MIB1: variants seen among roughly 807,000 people sequenced by gnomAD.
MIB1 encodes the protein MIB E3 ubiquitin protein ligase 1.
In MIB1, 278 loss-of-function variants were observed where a neutral mutation model predicts 124.5. The observed-to-expected ratio is 2.23, with a 90% CI of 2.02 to 2.47. The LOEUF is 2.47. Ranked by LOEUF, MIB1 falls within the 30% of genes most tolerant of loss-of-function variation. MIB1 has a pLI of 0.00. For synonymous variants in MIB1, 446 were observed against 429.4 expected (o/e 1.04, Z -0.48); for missense variants, 957 against 1,254.4 (o/e 0.76, Z 3.58).
intron 1 of MIB1, among the ~76,000 whole-genome samples, chr18:21,731,499 C>T (rs565030732): frequency 6.6e-5 from 10 of 151,212 alleles, no homozygotes; most frequent in East Asian, 2.0e-4. Context: ...ATTGAGAAGC[C>T]GAGGCGGGTG....
upstream of MIB1, among the ~76,000 whole-genome samples, chr18:21,738,794 G>A (rs2040807003): frequency 2.2e-5 from 2 of 91,292 alleles, no homozygotes; most frequent in Admixed American, 1.7e-4. Context: ...GCCACAAAGT[G>A]AGACTCCATC....
intron 4 of MIB1, among the ~76,000 whole-genome samples, chr18:21,775,332 T>C (rs1450145291): frequency 2.0e-5 from 3 of 152,064 alleles, no homozygotes; most frequent in Admixed American, 1.3e-4. Context: ...CCTGAACTCC[T>C]GGGCTCAAAC....
chr18:21,819,526 C>T lies in MIB1; in HGVS notation c.1709C>T (p.Ala570Val), dbSNP rs983246066. The change falls in exon 12 of 21, where the codon GCA (alanine) becomes GTA (valine). Residue 570 changes from alanine (A) to valine (V), a missense_variant. By Grantham distance (64) the Ala-to-Val change is moderately conservative (BLOSUM62 0). Coordinates refer to ENST00000261537, the MANE Select transcript of MIB1 (RefSeq NM_020774.4). ...DSEGDTPLHD[A>V]ISKKRDDILA... Reference sequence around the variant, plus strand: ...GAAGGTGATACCCCTCTTCATGATGCAATAAGTAAGAAACGTGATGATATC... The same window carrying T: ...GAAGGTGATACCCCTCTTCATGATGTAATAAGTAAGAAACGTGATGATATC... 4 of 1,607,940 alleles carry T rather than the reference C, an allele frequency of 2.5e-6. No homozygotes were observed. In the African/African-American group the frequency reaches 5.4e-5, roughly 22 times the overall value.
intron 20 of MIB1, among the ~76,000 whole-genome samples, chr18:21,863,206 C>T (rs756030308): frequency 2.0e-5 from 3 of 152,192 alleles, no homozygotes; most frequent in Non-Finnish European, 4.4e-5. Context: ...CCCCTGAGGG[C>T]ATGTTAGAGT....
intron 1 of MIB1, among the ~76,000 whole-genome samples, chr18:21,724,727 A>AAAAAAAAAAAAAAT (rs1350936232): frequency 5.8e-5 from 1 of 17,370 alleles, no homozygotes; most frequent in Non-Finnish European, 1.1e-4. Context: ...AAAAAAAAAA[A>AAAAAAAAAAAAAAT]ATATATATAT....
rs1251051849 is a variant in MIB1, at chr18:21,760,347, TTA to T, written c.230-5423_230-5422del. Among the ~76,000 whole-genome samples the T allele has an allele frequency of 3.3e-5, 5 of 152,340 alleles. No individual in the cohort carries two copies. In the South Asian group the frequency reaches 1.0e-3, roughly 32 times the overall value. On this transcript the variant is annotated intron_variant, in intron 1 of 20. Transcript: ENST00000261537. ...TTTATTTAATGCCCTTTCTTCTGTTTTATGTTTTCTTTAAATACCAACTTTTG... is the reference window on the plus strand; with the variant it reads ...TTTATTTAATGCCCTTTCTTCTGTTTTGTTTTCTTTAAATACCAACTTTTG...
At chr18:21,707,326 TCAGCTCTCTGTAAAACAGACCAGG>T (rs967914904) in intron 1 of MIB1, among the ~76,000 whole-genome samples, 32 of 152,214 alleles carry the variant, frequency 2.1e-4, no homozygotes, top group African/African-American at 6.3e-4. Flanking sequence ...AACGGACCAG[TCAGCTCTCTGTAAAACAGACCAGG>T]CAGCTCTCTG....
intron 12 of MIB1, among the ~76,000 whole-genome samples, chr18:21,833,874 G>C (rs2146494796): frequency 6.6e-6 from 1 of 152,312 alleles, no homozygotes; most frequent in African/African-American, 2.4e-5. Context: ...CTGGTAGTAA[G>C]ATCTTATCTT....
chr18:21,846,499 A>G (rs1182038438), intron 15 of MIB1, among the ~76,000 whole-genome samples: 1 of 152,170 alleles, frequency 6.6e-6, no homozygotes. Flanking sequence ...CTCAATTCCT[A>G]GTCATTGGTT....
rs1029181392 is a variant in MIB1 at position 21,740,935 on chromosome 18, G to T, written c.-649G>T. 6.6e-6 allele frequency among the ~76,000 whole-genome samples: 1 copy of T among 152,242 alleles called. No individual in the cohort carries two copies. Among genetic ancestry groups the T allele is most frequent in the South Asian group, 2.1e-4 (1 of 4,836 alleles). ...TGAGAAGGTGCCGCTCCGGCCTTGG[G>T]TACGGCGGTACCCGGATGTGGAGTC... On this transcript the variant is annotated 5_prime_UTR_variant, in exon 1 of 21. Transcript: ENST00000261537.
chr18:21,709,408 A>G (rs553035732), intron 1 of MIB1, among the ~76,000 whole-genome samples: 58 of 151,884 alleles, frequency 3.8e-4, no homozygotes, highest in Admixed American at 3.7e-3. Flanking sequence ...TTTGGCATCC[A>G]GACCAGCTAT....
chr18:21,829,174 T>A, intron 12 of MIB1: 1 of 385,046 alleles, frequency 2.6e-6, no homozygotes, highest in Non-Finnish European at 5.0e-6. Flanking sequence ...TGTAGAGCAA[T>A]GGTAAATCAT....
intron 11 of MIB1, chr18:21,817,618 G>C (rs1440778229): frequency 5.3e-6 from 2 of 378,142 alleles, no homozygotes; most frequent in Non-Finnish European, 1.0e-5. Flanking sequence ...ACAAAAACAG[G>C]TGGCTCCAAT....
At chr18:21,834,098 G>T (rs1292005890) in intron 12 of MIB1, among the ~76,000 whole-genome samples, 1 of 152,128 alleles carries the variant, frequency 6.6e-6, no homozygotes, top group Admixed American at 6.5e-5. Context: ...CTAAAGTGCT[G>T]CAGGGAACAG....
chr18:21,827,115 C>G (rs925037201), intron 12 of MIB1: 1 of 152,070 alleles, frequency 6.6e-6, no homozygotes, highest in African/African-American at 2.4e-5. Context: ...AATAGTACAG[C>G]ATTTGATAAT....
Position 21,858,542 on chromosome 18 carries a change from A to C in MIB1, c.2780-4A>C, listed in dbSNP as rs376191252. The C allele has an allele frequency of 3.7e-6, 5 of 1,367,704 alleles. No homozygotes were observed. In the African/African-American group the frequency reaches 7.1e-5, roughly 20 times the overall value. The allele number at this position is 1,367,704 out of a possible 1,614,324, so 84.7% of individuals were successfully genotyped here. ...CTGAAAATCTTTTTAAATCTATATT[A>C]TAGCAAGTGGGAATATTCCAGTATT... On this transcript the variant is annotated splice_region_variant and splice_polypyrimidine_tract_variant and intron_variant, in intron 19 of 20. Coordinates refer to ENST00000261537, the MANE Select transcript of MIB1 (RefSeq NM_020774.4).
chr18:21,832,820 A>T (rs1442711952), intron 12 of MIB1, among the ~76,000 whole-genome samples: 3 of 152,220 alleles, frequency 2.0e-5, no homozygotes, highest in African/African-American at 7.2e-5. Context: ...TTATGAGAAG[A>T]TGACATGTCT....
At chr18:21,814,636 C>G (rs940503495) in intron 10 of MIB1, among the ~76,000 whole-genome samples, 3 of 151,844 alleles carry the variant, frequency 2.0e-5, no homozygotes, top group African/African-American at 7.3e-5. Context: ...TGCAGTGGCC[C>G]GATCTCAGCT....
chr18:21,792,783 G>A (rs1361719500), intron 7 of MIB1, among the ~76,000 whole-genome samples: 1 of 152,160 alleles, frequency 6.6e-6, no homozygotes, highest in East Asian at 1.9e-4. Flanking sequence ...TTTGAACGCA[G>A]ACCTGTCTTA....
Sources: gnomAD v4.1 joint callset for allele counts (sites outside exome capture counted in the v4.1 genomes callset) on GRCh38, gnomAD v4.1.1 for gene constraint, MANE v1.5 for transcripts, NCBI Gene and HGNC (gene_info 2026-07-23, HGNC 2026-07-21) for gene names.